ADAMTS17: variants seen among roughly 807,000 people sequenced by gnomAD.
ADAMTS17 encodes the protein ADAM metallopeptidase with thrombospondin type 1 motif 17, also known as A disintegrin and metalloproteinase with thrombospondin motifs 17.
Under a neutral mutation model 141.5 loss-of-function variants are expected in ADAMTS17, and 113 were observed. That is an observed-to-expected ratio of 0.80 (90% CI 0.69 to 0.93). The LOEUF (loss-of-function observed/expected upper bound fraction) is 0.93. Among genes scored for constraint, ADAMTS17 ranks in the 40% least tolerant of loss-of-function variants. ADAMTS17 has a pLI of 0.00. For synonymous variants in ADAMTS17, 768 were observed against 630.6 expected (o/e 1.22, Z -3.27); for missense variants, 1,659 against 1,517.9 (o/e 1.09, Z -1.54).
Position 100,319,139 on chromosome 15 carries a change from C to G in ADAMTS17, c.616+11750G>C, listed in dbSNP as rs184730612. Among the ~76,000 whole-genome samples the G allele has an allele frequency of 2.3e-4, 35 of 152,362 alleles. No homozygotes were observed. The East Asian group carries it at 4.4e-3, about 19-fold the overall frequency. ...TTTCCATAATGCAGGGCATAGGGGA[C>G]TCCCAAAGAGGGTAGAATAGCACTG... On this transcript the variant is annotated intron_variant, in intron 3 of 21. Transcript: ENST00000268070.
At chr15:100,163,481 C>T (rs1460402470) in intron 8 of ADAMTS17, among the ~76,000 whole-genome samples, 1 of 151,992 alleles carries the variant, frequency 6.6e-6, no homozygotes, top group African/African-American at 2.4e-5. Flanking sequence ...TATTTGAAAT[C>T]TAAATTTTAT....
chr15:100,199,639 T>C lies in ADAMTS17; in HGVS notation c.1076-216A>G, dbSNP rs997772616. ...CCGCAAGCATCCATCAGGCATCTAA[T>C]ACGCGTCGGGGGTGTGCTGAGTAGA... On this transcript the variant is annotated intron_variant, in intron 7 of 21. Transcript: ENST00000268070. Among the ~76,000 whole-genome samples, 11 of 152,186 alleles carry C rather than the reference T, an allele frequency of 7.2e-5. 1 individual carries two copies. The highest frequency in any genetic ancestry group is 6.5e-4 in the Admixed American group (10 of 15,288).
intron 18 of ADAMTS17, among the ~76,000 whole-genome samples, chr15:100,021,923 G>T (rs1374513868): frequency 2.6e-5 from 4 of 152,130 alleles, no homozygotes; most frequent in Non-Finnish European, 5.9e-5. Flanking sequence ...ACAGGTCCTA[G>T]ATGTTCTCTC....
intron 2 of ADAMTS17, among the ~76,000 whole-genome samples, chr15:100,338,418 T>G (rs2046269388): frequency 6.6e-6 from 1 of 152,148 alleles, no homozygotes; most frequent in Admixed American, 6.5e-5. Context: ...TAGGAGATGT[T>G]CAATACAGTG....
At position 99,972,244 on chromosome 15, in the gene ADAMTS17, C is replaced by G. The variant is rs1218303351; in HGVS notation, c.*2158G>C. ...CCAGCCTGGGCAACAGAGGGAGACT[C>G]TGTCTCAAAAAACAACACCGACAAC... On this transcript the variant is annotated 3_prime_UTR_variant, in exon 22 of 22. Transcript: ENST00000268070. 6.8e-6 allele frequency: 1 copy of G among 148,058 alleles called. No homozygotes were observed. Among genetic ancestry groups the G allele is most frequent in the African/African-American group, 2.7e-5 (1 of 37,508 alleles). 9.2% of individuals were successfully genotyped at this position (148,058 alleles called of 1,614,324 possible).
chr15:100,012,308 T>C (rs1567675321), intron 18 of ADAMTS17, among the ~76,000 whole-genome samples: 1 of 152,222 alleles, frequency 6.6e-6, no homozygotes, highest in Admixed American at 6.5e-5. Flanking sequence ...AATGTATACA[T>C]CGTGAAGATT....
At chr15:100,110,669 A>C (rs112878487) in intron 13 of ADAMTS17, among the ~76,000 whole-genome samples, 2,254 of 152,074 alleles carry the variant, frequency 0.015, 84 homozygotes, top group African/African-American at 0.051. Context: ...CTGTCACCTC[A>C]CCCTAATGCC....
At chr15:100,148,403 A>G (rs923079925) in intron 10 of ADAMTS17, among the ~76,000 whole-genome samples, 2 of 151,928 alleles carry the variant, frequency 1.3e-5, no homozygotes, top group African/African-American at 4.8e-5. Context: ...ATTTCCTTTA[A>G]TATTTCTTAT....
chr15:100,115,747 T>C (rs1189314272), intron 13 of ADAMTS17, among the ~76,000 whole-genome samples: 6 of 152,208 alleles, frequency 3.9e-5, no homozygotes, highest in Non-Finnish European at 5.9e-5. Flanking sequence ...CAGAACTTCA[T>C]TCTTCTGCAA....
chr15:100,150,267 T>C (rs1017217864), intron 10 of ADAMTS17, among the ~76,000 whole-genome samples: 1 of 152,122 alleles, frequency 6.6e-6, no homozygotes, highest in African/African-American at 2.4e-5. Context: ...ATTCCTCTCA[T>C]GAAAATATGA....
intron 8 of ADAMTS17, among the ~76,000 whole-genome samples, chr15:100,193,089 TCACCTGCACCTGGTGGCAGCCC>T (rs2040979448): frequency 2.6e-5 from 4 of 152,248 alleles, no homozygotes; most frequent in Admixed American, 2.6e-4. Flanking sequence ...AGACTGAGCT[TCACCTGCACCTGGTGGCAGCCC>T]CACCTGCCCT....
chr15:100,319,562 T>A (rs1268504287), intron 3 of ADAMTS17, among the ~76,000 whole-genome samples: 1 of 151,872 alleles, frequency 6.6e-6, no homozygotes, highest in Non-Finnish European at 1.5e-5. Flanking sequence ...TACAAAAAAA[T>A]TAGCTGGGCA....
intron 20 of ADAMTS17, among the ~76,000 whole-genome samples, chr15:99,985,319 T>A (rs2141299767): frequency 6.6e-6 from 1 of 152,358 alleles, no homozygotes; most frequent in Admixed American, 6.5e-5. Context: ...TGCTGGCTGC[T>A]GCCATGGCAC....
rs143374774 is a variant in ADAMTS17 at position 100,059,218 on chromosome 15, G to A, written c.2138-5164C>T. ...ACAACTTGTTTGAGGCCAGGCGTGGGTTTGGGGTCAGCTCTCACAGCCCCA... is the reference window on the plus strand; with the variant it reads ...ACAACTTGTTTGAGGCCAGGCGTGGATTTGGGGTCAGCTCTCACAGCCCCA... On this transcript the variant is annotated intron_variant, in intron 15 of 21. Coordinates refer to ENST00000268070, the MANE Select transcript of ADAMTS17 (RefSeq NM_139057.4). Among the ~76,000 whole-genome samples, 173 of 152,354 alleles carry A rather than the reference G, an allele frequency of 1.1e-3. 2 individuals carry two copies. Among genetic ancestry groups the A allele is most frequent in the Non-Finnish European group, 1.6e-3 (106 of 68,036 alleles).
chr15:100,148,059 C>A (rs2038992073), intron 10 of ADAMTS17, among the ~76,000 whole-genome samples: 1 of 152,242 alleles, frequency 6.6e-6, no homozygotes, highest in African/African-American at 2.4e-5. Flanking sequence ...ACCCTGATCT[C>A]CTGCCTCCTT....
chr15:100,253,476 AGG>A, intron 7 of ADAMTS17, among the ~76,000 whole-genome samples: 1 of 28,824 alleles, frequency 3.5e-5, no homozygotes, highest in African/African-American at 1.7e-4. Context: ...GGGAAGGTAG[AGG>A]GGGAGGGGAA....
chr15:100,176,847 A>G (rs1387402571), intron 8 of ADAMTS17, among the ~76,000 whole-genome samples: 1 of 152,266 alleles, frequency 6.6e-6, no homozygotes, highest in Non-Finnish European at 1.5e-5. Flanking sequence ...CAAATGTTAT[A>G]TAAATGGAAC....
At chr15:100,063,133 C>T (rs537759793) in intron 15 of ADAMTS17, among the ~76,000 whole-genome samples, 4 of 152,336 alleles carry the variant, frequency 2.6e-5, no homozygotes, top group Admixed American at 1.3e-4. Flanking sequence ...CCCAAGTCTA[C>T]GGAAAGATGC....
At chr15:100,335,130 T>C (rs2141972961) in intron 2 of ADAMTS17, among the ~76,000 whole-genome samples, 1 of 152,168 alleles carries the variant, frequency 6.6e-6, no homozygotes, top group African/African-American at 2.4e-5. Context: ...ACCCCAGACC[T>C]GCTACATCAA....
Sources: gnomAD v4.1 joint callset for allele counts (sites outside exome capture counted in the v4.1 genomes callset) on GRCh38, gnomAD v4.1.1 for gene constraint, MANE v1.5 for transcripts, NCBI Gene and HGNC (gene_info 2026-07-23, HGNC 2026-07-21) for gene names.